CSMD1: variants seen among roughly 807,000 people sequenced by gnomAD.
The protein encoded by CSMD1 is CUB and sushi domain-containing protein 1.
A neutral mutation model predicts 417.5 loss-of-function variants in CSMD1; 213 were observed. That is an observed-to-expected ratio of 0.51 (90% confidence interval 0.46 to 0.57). CSMD1 has a LOEUF of 0.57. Among genes scored for constraint, CSMD1 ranks in the 20% least tolerant of loss-of-function variants. The pLI is 0.00. For missense variants in CSMD1, 6,923 were observed against 4,529.7 expected (o/e 1.53, Z -15.17); for synonymous variants, 2,862 against 1,736.8 (o/e 1.65, Z -16.11).
intron 8 of CSMD1, among the ~76,000 whole-genome samples, chr8:3,597,512 A>G (rs1801151172): frequency 6.6e-6 from 1 of 152,196 alleles, no homozygotes; most frequent in Admixed American, 6.5e-5. Context: ...CTGAGATAAA[A>G]CATGAGCCAC....
At chr8:3,334,565 A>T (rs1807123960) in intron 23 of CSMD1, among the ~76,000 whole-genome samples, 1 of 152,232 alleles carries the variant, frequency 6.6e-6, no homozygotes, top group Non-Finnish European at 1.5e-5. Context: ...ACATAAACCC[A>T]CAGCTCCATG....
chr8:3,256,704 A>G (rs61379730), intron 26 of CSMD1, among the ~76,000 whole-genome samples: 4,359 of 152,276 alleles, frequency 0.029, 201 homozygotes, highest in African/African-American at 0.098. Context: ...ATGCCTGTCA[A>G]CACCCAGAAA....
At chr8:4,586,981 C>T (rs146225311) in intron 2 of CSMD1, among the ~76,000 whole-genome samples, 17 of 152,194 alleles carry the variant, frequency 1.1e-4, no homozygotes, top group African/African-American at 2.4e-4. Flanking sequence ...TATATAAGAG[C>T]GCCTAAAAAG....
chr8:3,991,495 C>G (rs1048704201), intron 5 of CSMD1, among the ~76,000 whole-genome samples: 1 of 152,078 alleles, frequency 6.6e-6, no homozygotes, highest in Non-Finnish European at 1.5e-5. Flanking sequence ...TTATGTTATA[C>G]CCAGAAATAT....
At chr8:4,713,268 G>A (rs143374827) in intron 1 of CSMD1, among the ~76,000 whole-genome samples, 2 of 152,238 alleles carry the variant, frequency 1.3e-5, no homozygotes, top group South Asian at 2.1e-4. Flanking sequence ...TGCGGAGCAG[G>A]AGAGTGTAGT....
chr8:3,599,449 A>G (rs1801254546), intron 8 of CSMD1, among the ~76,000 whole-genome samples: 1 of 151,866 alleles, frequency 6.6e-6, no homozygotes, highest in Admixed American at 6.6e-5. Flanking sequence ...CTAACCCCAA[A>G]GCAGCATTAT....
At chr8:3,739,003 T>A (rs954846574) in intron 6 of CSMD1, among the ~76,000 whole-genome samples, 1 of 152,246 alleles carries the variant, frequency 6.6e-6, no homozygotes. Flanking sequence ...GAGATATATA[T>A]TGTTATATTG....
chr8:3,697,600 T>C (rs1800625592), intron 7 of CSMD1, among the ~76,000 whole-genome samples: 1 of 152,190 alleles, frequency 6.6e-6, no homozygotes, highest in Non-Finnish European at 1.5e-5. Context: ...AATATAGCAG[T>C]TCCCCCTTCT....
chr8:4,451,433 G>A (rs770059142), intron 2 of CSMD1, among the ~76,000 whole-genome samples: 3 of 152,068 alleles, frequency 2.0e-5, no homozygotes, highest in Non-Finnish European at 2.9e-5. Context: ...CTGAAAAAGT[G>A]GTCAGAAAAG....
intron 3 of CSMD1, among the ~76,000 whole-genome samples, chr8:4,291,334 C>T (rs747786595): frequency 3.3e-5 from 5 of 151,918 alleles, no homozygotes; most frequent in Admixed American, 6.6e-5. Context: ...TAATACTTTC[C>T]TTTAAATTGA....
At chr8:4,910,521 G>C (rs932702224) in intron 1 of CSMD1, among the ~76,000 whole-genome samples, 1 of 152,088 alleles carries the variant, frequency 6.6e-6, no homozygotes, top group Non-Finnish European at 1.5e-5. Flanking sequence ...TTTTCCCATG[G>C]TAAAAACGAC....
intron 5 of CSMD1, among the ~76,000 whole-genome samples, chr8:3,989,658 G>A (rs1446833130): frequency 1.3e-5 from 2 of 152,140 alleles, no homozygotes; most frequent in East Asian, 1.9e-4. Context: ...TGATGTATAT[G>A]TTTATTAAGA....
chr8:3,619,871 G>A (rs915365099), intron 7 of CSMD1, among the ~76,000 whole-genome samples: 2 of 152,154 alleles, frequency 1.3e-5, no homozygotes, highest in Non-Finnish European at 1.5e-5. Flanking sequence ...GGAGGCTGAG[G>A]TGGGTGGATC....
intron 3 of CSMD1, among the ~76,000 whole-genome samples, chr8:4,100,562 A>G (rs1373544435): frequency 6.6e-6 from 1 of 152,226 alleles, no homozygotes; most frequent in African/African-American, 2.4e-5. Context: ...AAGAATGTAT[A>G]AAGAGAACAG....
chr8:4,927,527 C>T (rs1443379290), intron 1 of CSMD1, among the ~76,000 whole-genome samples: 3 of 152,016 alleles, frequency 2.0e-5, no homozygotes, highest in African/African-American at 4.8e-5. Flanking sequence ...TTTCCGAGAG[C>T]AAGTGAGTTG....
chr8:3,527,470 T>C (rs1797800123), intron 10 of CSMD1, among the ~76,000 whole-genome samples: 1 of 152,112 alleles, frequency 6.6e-6, no homozygotes, highest in South Asian at 2.1e-4. Context: ...GAGGGTGGGA[T>C]GTCACTATGA....
chr8:3,065,288 T>C (rs10111262), intron 49 of CSMD1, among the ~76,000 whole-genome samples: 5,515 of 138,088 alleles, frequency 0.04, 334 homozygotes, highest in African/African-American at 0.14. Flanking sequence ...GATACATAGA[T>C]AGATAGATAG....
intron 2 of CSMD1, among the ~76,000 whole-genome samples, chr8:4,436,769 A>G (rs1295460522): frequency 2.0e-5 from 3 of 152,152 alleles, no homozygotes; most frequent in South Asian, 2.1e-4. Context: ...TGATCATGTG[A>G]TATTTCTCTT....
intron 5 of CSMD1, among the ~76,000 whole-genome samples, chr8:3,849,707 C>A (rs1043037773): frequency 6.6e-6 from 1 of 152,138 alleles, no homozygotes; most frequent in Non-Finnish European, 1.5e-5. Flanking sequence ...AGGATCGGCA[C>A]AGGAAACACA....
Sources: gnomAD v4.1 joint callset for allele counts (sites outside exome capture counted in the v4.1 genomes callset) on GRCh38, gnomAD v4.1.1 for gene constraint, MANE v1.5 for transcripts, NCBI Gene and HGNC (gene_info 2026-07-23, HGNC 2026-07-21) for gene names.